Variants in BAZ1B observed in about 807,000 individuals in gnomAD.
The protein encoded by BAZ1B is bromodomain adjacent to zinc finger domain 1B, also known as tyrosine-protein kinase BAZ1B.
In BAZ1B, 22 loss-of-function variants were observed where a neutral mutation model predicts 153.8. The observed-to-expected ratio is 0.14, with a 90% CI of 0.10 to 0.20. BAZ1B has a LOEUF of 0.20. Ranked by LOEUF, BAZ1B falls within the 10% of genes least tolerant of loss-of-function variation. BAZ1B has a pLI of 1.00. For synonymous variants in BAZ1B, 676 were observed against 633.4 expected (o/e 1.07, Z -1.01); for missense variants, 1,325 against 1,799.3 (o/e 0.74, Z 4.77).
At position 73,478,290 on chromosome 7, in the gene BAZ1B, C is replaced by A; in HGVS notation, c.1171G>T (p.Ala391Ser). The stretch of plus-strand genomic sequence containing the variant: ...TCACTGTGCTTCCCTGGTTTCTTGG[C>A]AGGTGGGCCTTTTTTAGGAATGTGA... ...NFHIPKKGPP[A>S]KKPGKHSDKP... The change falls in exon 7 of 20, where the codon GCC becomes TCC. Residue 391 changes from alanine to serine, a missense_variant. Physicochemically the swap from Ala to Ser is moderately conservative, Grantham distance 99. Coordinates refer to ENST00000339594, the MANE Select transcript of BAZ1B (RefSeq NM_032408.4). 1 of 1,614,160 alleles carries A rather than the reference C, an allele frequency of 6.2e-7. No individual in the cohort carries two copies. The highest frequency in any genetic ancestry group is 1.1e-5 in the South Asian group (1 of 91,084).
chr7:73,510,377 C>G (rs915081646), intron 2 of BAZ1B, among the ~76,000 whole-genome samples: 1 of 152,018 alleles, frequency 6.6e-6, no homozygotes, highest in South Asian at 2.1e-4. Context: ...TGCAGTGAGC[C>G]GAGATCGTGC....
intron 12 of BAZ1B, among the ~76,000 whole-genome samples, chr7:73,460,910 T>C (rs985023515): frequency 4.0e-4 from 61 of 151,810 alleles, no homozygotes; most frequent in African/African-American, 1.3e-3. Context: ...GATCTGTGAA[T>C]AGCCACTGCA....
intron 6 of BAZ1B, among the ~76,000 whole-genome samples, chr7:73,482,026 G>A (rs577817684): frequency 3.3e-5 from 5 of 152,316 alleles, no homozygotes; most frequent in Admixed American, 6.5e-5. Context: ...GAGAAAGAGC[G>A]AGACTCTGTC....
At chr7:73,514,596 G>A (rs1384512586) in intron 1 of BAZ1B, among the ~76,000 whole-genome samples, 9 of 151,282 alleles carry the variant, frequency 5.9e-5, no homozygotes, top group African/African-American at 9.7e-5. Flanking sequence ...CATCGCTCAA[G>A]CCCAGGAGTT....
chr7:73,463,730 T>C (rs1788476163), intron 11 of BAZ1B, among the ~76,000 whole-genome samples: 1 of 151,990 alleles, frequency 6.6e-6, no homozygotes, highest in Admixed American at 6.6e-5. Context: ...GTTTTTGAGA[T>C]GGAATGTCGC....
chr7:73,445,210 G>A (rs1045064930), intron 16 of BAZ1B, among the ~76,000 whole-genome samples: 5 of 152,106 alleles, frequency 3.3e-5, no homozygotes, highest in African/African-American at 1.2e-4. Flanking sequence ...TGGACACAGA[G>A]GTCTAGGAAG....
rs79197608 is a variant in BAZ1B, at chr7:73,488,019, T to C, written c.891+1175A>G. 4.0e-3 allele frequency among the ~76,000 whole-genome samples: 602 copies of C among 152,324 alleles called. 2 individuals carry two copies. The highest frequency in any genetic ancestry group is 6.7e-3 in the Non-Finnish European group (459 of 68,022). ...GTCACCATAATCAACTTAAGATAAT[T>C]GAACAAATTTAGTTGTTATGACTTC... is the stretch of plus-strand genomic sequence containing the variant. On this transcript the variant is annotated intron_variant, in intron 6 of 19. Coordinates refer to ENST00000339594, the MANE Select transcript of BAZ1B (RefSeq NM_032408.4).
At chr7:73,517,301 G>A (rs1422950388) in intron 1 of BAZ1B, among the ~76,000 whole-genome samples, 5 of 151,880 alleles carry the variant, frequency 3.3e-5, no homozygotes, top group Admixed American at 6.6e-5. Flanking sequence ...AAGACCAGCC[G>A]GGGCAACTTT....
intron 2 of BAZ1B, among the ~76,000 whole-genome samples, chr7:73,509,477 T>C (rs1790488052): frequency 6.6e-6 from 1 of 152,038 alleles, no homozygotes; most frequent in Non-Finnish European, 1.5e-5. Flanking sequence ...CCCAGCACTT[T>C]GAAAGGCACA....
In BAZ1B at chr7:73,469,481, G is replaced by C. The variant is rs1210387907; in HGVS notation, c.2866+36C>G. The C allele has an allele frequency of 6.8e-6, 11 of 1,610,556 alleles. No homozygotes were observed. In the African/African-American group the frequency reaches 1.1e-4, roughly 16 times the overall value. ...CCTTAATGTTGAGCCCACTTGAGCA[G>C]GGTGAAATAACTCTTAGATATACAG... On this transcript the variant is annotated intron_variant, in intron 9 of 19. Coordinates refer to ENST00000339594, the MANE Select transcript of BAZ1B (RefSeq NM_032408.4).
chr7:73,477,261 T>C lies in BAZ1B; in HGVS notation c.2200A>G (p.Thr734Ala). 1 of 1,614,144 alleles carries C rather than the reference T, an allele frequency of 6.2e-7. No homozygotes were observed. Among genetic ancestry groups the C allele is most frequent in the Non-Finnish European group, 8.5e-7 (1 of 1,180,028 alleles). ...VQDEFLEKLE[T>A]SEFFELTSEE... Reference sequence around the variant, plus strand: ...GACGTCAGCTCAAAAAATTCAGAGGTCTCCAGCTTTTCTAGGAACTCATCT... The same window carrying C: ...GACGTCAGCTCAAAAAATTCAGAGGCCTCCAGCTTTTCTAGGAACTCATCT... Residue 734 changes from threonine to alanine, a missense_variant, in exon 7 of 20, where the codon ACC (threonine) becomes GCC (alanine). Coordinates refer to ENST00000339594, the MANE Select transcript of BAZ1B (RefSeq NM_032408.4). The surrounding 1 kb of genome is among the most constrained non-coding windows in gnomAD (Gnocchi z 5.6).
intron 6 of BAZ1B, among the ~76,000 whole-genome samples, chr7:73,485,318 GT>G (rs1554574330): frequency 6.6e-6 from 1 of 152,064 alleles, no homozygotes; most frequent in East Asian, 1.9e-4. Context: ...AATAATTCGT[GT>G]GTATATAGAC....
chr7:73,445,344 A>ATGCTTAGG (rs1554566268), intron 16 of BAZ1B, among the ~76,000 whole-genome samples: 7 of 152,174 alleles, frequency 4.6e-5, no homozygotes, highest in African/African-American at 1.4e-4. Context: ...TAAGAATCTG[A>ATGCTTAGG]TGCTTAGGTG....
At chr7:73,443,954 G>C in intron 17 of BAZ1B, 30 bp downstream of exon 17, 2 of 1,612,914 alleles carry the variant, frequency 1.2e-6, no homozygotes, top group Non-Finnish European at 1.7e-6. Flanking sequence ...AAACAGAAAG[G>C]TTAGAGAAGG....
chr7:73,478,299 C>T lies in BAZ1B; in HGVS notation c.1162G>A (p.Gly388Ser), dbSNP rs782158926. 1 of 1,613,998 alleles carries T rather than the reference C, an allele frequency of 6.2e-7. No homozygotes were observed. The highest frequency in any genetic ancestry group is 1.1e-5 in the South Asian group (1 of 91,058). The change falls in exon 7 of 20, where the codon GGC becomes AGC. Residue 388 changes from glycine to serine, a missense_variant. By Grantham distance (56) the Gly-to-Ser change is moderately conservative. Coordinates refer to ENST00000339594, the MANE Select transcript of BAZ1B (RefSeq NM_032408.4). Reference protein sequence around the residue: ...LHTNFHIPKKGPPAKKPGKHS... With the variant: ...LHTNFHIPKKSPPAKKPGKHS... ...TTCCCTGGTTTCTTGGCAGGTGGGC[C>T]TTTTTTAGGAATGTGAAAGTTAGTG... is the stretch of plus-strand genomic sequence containing the variant.
chr7:73,493,899 G>C (rs1253069453), intron 4 of BAZ1B, among the ~76,000 whole-genome samples: 1 of 151,112 alleles, frequency 6.6e-6, no homozygotes, highest in Non-Finnish European at 1.5e-5. Flanking sequence ...AGAGATTGCA[G>C]ATTGCAAGCA....
At chr7:73,491,897 T>G (rs1478675954) in intron 5 of BAZ1B, among the ~76,000 whole-genome samples, 1 of 152,082 alleles carries the variant, frequency 6.6e-6, no homozygotes, top group African/African-American at 2.4e-5. Context: ...AATCCACCTT[T>G]CTAAGATTCT....
intron 1 of BAZ1B, among the ~76,000 whole-genome samples, chr7:73,521,165 T>C (rs1583968455): frequency 6.6e-6 from 1 of 152,154 alleles, no homozygotes; most frequent in African/African-American, 2.4e-5. Flanking sequence ...TTCAAACCTG[T>C]GTCTGCCCAG....
intron 1 of BAZ1B, among the ~76,000 whole-genome samples, chr7:73,521,255 C>T (rs1340708075): frequency 6.6e-6 from 1 of 152,036 alleles, no homozygotes; most frequent in East Asian, 1.9e-4. Context: ...TCCTAGTTTT[C>T]TGCCCCAGGG....
Sources: gnomAD v4.1 joint callset for allele counts (sites outside exome capture counted in the v4.1 genomes callset) on GRCh38, gnomAD v4.1.1 for gene constraint, Gnocchi (gnomAD v3.1) non-coding constraint, MANE v1.5 for transcripts, NCBI Gene and HGNC (gene_info 2026-07-23, HGNC 2026-07-21) for gene names.